The following CTNND2 variants were observed in gnomAD, a reference collection of about 807,000 sequenced individuals.
The protein encoded by CTNND2 is catenin delta-2.
Under a neutral mutation model 144.4 loss-of-function variants are expected in CTNND2, and 22 were observed. The observed-to-expected ratio is 0.15, with a 90% CI of 0.11 to 0.22. The LOEUF is 0.22. Ranked by LOEUF, CTNND2 falls within the 10% of genes least tolerant of loss-of-function variation. The pLI is 1.00. For missense variants in CTNND2, 1,353 were observed against 1,618.8 expected, an observed-to-expected ratio of 0.84 and a Z score of 2.82; for synonymous variants, 751 against 695.6, an observed-to-expected ratio of 1.08 and a Z score of -1.25.
chr5:11,442,478 A>G (rs1764351321), intron 3 of CTNND2, among the ~76,000 whole-genome samples: 1 of 152,192 alleles, frequency 6.6e-6, no homozygotes, highest in Admixed American at 6.5e-5. Flanking sequence ...AACATTTTAT[A>G]CAATCACTAC....
intron 16 of CTNND2, among the ~76,000 whole-genome samples, chr5:11,074,805 C>T (rs554909391): frequency 6.6e-6 from 1 of 152,292 alleles, no homozygotes; most frequent in African/African-American, 2.4e-5. Context: ...AAAGACAGAA[C>T]ATTTTTATGT....
chr5:11,832,727 G>A (rs1415413675), intron 1 of CTNND2, among the ~76,000 whole-genome samples: 1 of 152,134 alleles, frequency 6.6e-6, no homozygotes, highest in East Asian at 1.9e-4. Context: ...AATCACTTGA[G>A]CCCAGGAGTT....
chr5:11,870,969 T>C (rs1427100220), intron 1 of CTNND2, among the ~76,000 whole-genome samples: 1 of 152,172 alleles, frequency 6.6e-6, no homozygotes, highest in African/African-American at 2.4e-5. Flanking sequence ...TAATTCCCAG[T>C]GTAATGGTAT....
intron 3 of CTNND2, among the ~76,000 whole-genome samples, chr5:11,562,558 T>A (rs1031966807): frequency 3.3e-5 from 5 of 152,242 alleles, no homozygotes; most frequent in Non-Finnish European, 7.3e-5. Context: ...TTAAGCTTGA[T>A]GAAGACTGAT....
chr5:11,394,706 G>A (rs533200878), intron 6 of CTNND2, among the ~76,000 whole-genome samples: 1 of 152,342 alleles, frequency 6.6e-6, no homozygotes, highest in South Asian at 2.1e-4. Flanking sequence ...TTGGGGCAAT[G>A]TGGGTTACAC....
At chr5:11,555,088 T>C (rs1776105676) in intron 3 of CTNND2, among the ~76,000 whole-genome samples, 1 of 152,314 alleles carries the variant, frequency 6.6e-6, no homozygotes, top group South Asian at 2.1e-4. Flanking sequence ...ATAAAATCAC[T>C]GTATGTTCAT....
At chr5:11,680,528 A>G (rs943307951) in intron 2 of CTNND2, among the ~76,000 whole-genome samples, 8 of 152,172 alleles carry the variant, frequency 5.3e-5, no homozygotes, top group African/African-American at 1.9e-4. Flanking sequence ...AAGAATGCTG[A>G]GGTTAAAACC....
chr5:11,876,675 C>G lies in CTNND2; in HGVS notation c.37+27142G>C, dbSNP rs1368855241. 3.3e-5 allele frequency among the ~76,000 whole-genome samples: 5 copies of G among 152,090 alleles called. No homozygotes were observed. The East Asian group carries it at 5.8e-4, about 18-fold the overall frequency. On this transcript the variant is annotated intron_variant, in intron 1 of 21. Coordinates refer to ENST00000304623, the MANE Select transcript of CTNND2 (RefSeq NM_001332.4). The stretch of plus-strand genomic sequence containing the variant: ...TTAAAACACACCACATTATTAAATG[C>G]TCTTAAAAGCATTTAATAATGATGT...
chr5:11,529,362 G>A (rs779804626), intron 3 of CTNND2, among the ~76,000 whole-genome samples: 31 of 152,328 alleles, frequency 2.0e-4, no homozygotes, highest in East Asian at 7.7e-4. Context: ...AAACCAAAGC[G>A]TCTTCCAATG....
chr5:11,646,763 A>G (rs1233324502), intron 2 of CTNND2, among the ~76,000 whole-genome samples: 1 of 152,138 alleles, frequency 6.6e-6, no homozygotes, highest in African/African-American at 2.4e-5. Context: ...TGATCATGGC[A>G]CAGGAGCAGG....
At chr5:11,163,735 C>T (rs777548637) in intron 11 of CTNND2, among the ~76,000 whole-genome samples, 1 of 152,202 alleles carries the variant, frequency 6.6e-6, no homozygotes, top group South Asian at 2.1e-4. Flanking sequence ...TGAGAGTATA[C>T]AAGATATAGC....
chr5:11,393,003 C>G (rs886572062), intron 6 of CTNND2, among the ~76,000 whole-genome samples: 2 of 152,174 alleles, frequency 1.3e-5, no homozygotes, highest in Admixed American at 6.5e-5. Context: ...TTCCCCTCAG[C>G]CTTCACATCC....
intron 16 of CTNND2, among the ~76,000 whole-genome samples, chr5:11,036,541 C>T (rs111471744): frequency 0.057 from 8,686 of 152,178 alleles, 553 homozygotes; most frequent in African/African-American, 0.16. Flanking sequence ...CTGCCTCATC[C>T]TCCCAAGTAG....
chr5:11,477,867 G>T (rs1767904669), intron 3 of CTNND2, among the ~76,000 whole-genome samples: 1 of 152,146 alleles, frequency 6.6e-6, no homozygotes, highest in Non-Finnish European at 1.5e-5. Context: ...GTTATGAATA[G>T]CGGACCAATG....
intron 16 of CTNND2, among the ~76,000 whole-genome samples, chr5:11,081,212 G>A (rs1196792560): frequency 7.4e-6 from 1 of 135,782 alleles, no homozygotes; most frequent in African/African-American, 2.8e-5. Context: ...AGGGTGCAAA[G>A]TTTCACTTGA....
chr5:11,235,325 C>G (rs1741505182), intron 10 of CTNND2, among the ~76,000 whole-genome samples: 1 of 152,050 alleles, frequency 6.6e-6, no homozygotes, highest in South Asian at 2.1e-4. Flanking sequence ...GTATGTGATC[C>G]CCCAGTCAGA....
At chr5:11,613,266 G>T (rs1052510031) in intron 2 of CTNND2, among the ~76,000 whole-genome samples, 2 of 151,714 alleles carry the variant, frequency 1.3e-5, no homozygotes, top group Admixed American at 1.3e-4. Context: ...TGGCTTACCT[G>T]GCTTCTTCTC....
intron 1 of CTNND2, among the ~76,000 whole-genome samples, chr5:11,875,490 A>G (rs1271893898): frequency 6.6e-6 from 1 of 152,216 alleles, no homozygotes; most frequent in Non-Finnish European, 1.5e-5. Context: ...CCATATGTTG[A>G]AGCCCTAACT....
At chr5:11,320,574 T>G (rs757893397) in intron 9 of CTNND2, among the ~76,000 whole-genome samples, 3 of 152,212 alleles carry the variant, frequency 2.0e-5, no homozygotes, top group African/African-American at 2.4e-5. Flanking sequence ...TCCACATGGC[T>G]GGGTGGGGGC....
Sources: allele counts gnomAD v4.1 joint callset (sites outside exome capture counted in the v4.1 genomes callset), GRCh38; gene constraint gnomAD v4.1.1; transcripts MANE v1.5; gene names NCBI Gene and HGNC (gene_info 2026-07-23, HGNC 2026-07-21).